TCF12: variants seen among roughly 807,000 people sequenced by gnomAD.
TCF12 encodes the protein DNA-binding protein HTF4.
A neutral mutation model predicts 86.0 loss-of-function variants in TCF12; 45 were observed. That is an observed-to-expected ratio of 0.52 (90% CI 0.41 to 0.67). The LOEUF (loss-of-function observed/expected upper bound fraction) is 0.67, where lower values mean the gene tolerates loss of function less well. Ranked by LOEUF, TCF12 falls within the 30% of genes least tolerant of loss-of-function variation. The probability of loss-of-function intolerance (pLI) is 0.00; values close to 1 mark genes in which losing one functional copy is unlikely to be tolerated. For synonymous variants in TCF12, 330 were observed against 299.6 expected (o/e 1.10, Z -1.05); for missense variants, 881 against 859.9 (o/e 1.02, Z -0.31).
chr15:57,127,783 C>T (rs1039988147), intron 5 of TCF12, among the ~76,000 whole-genome samples: 6 of 152,148 alleles, frequency 3.9e-5, no homozygotes, highest in East Asian at 3.9e-4. Flanking sequence ...TTCACTATTA[C>T]GTCGGTTGAT....
intron 8 of TCF12, among the ~76,000 whole-genome samples, chr15:57,211,979 CCA>C (rs58113866): frequency 0.13 from 10,501 of 83,730 alleles, 424 homozygotes; most frequent in South Asian, 0.27. Context: ...CACACACACA[CCA>C]CACACACACA....
At chr15:57,210,528 G>T (rs1197456139) in intron 8 of TCF12, among the ~76,000 whole-genome samples, 2 of 152,068 alleles carry the variant, frequency 1.3e-5, no homozygotes, top group African/African-American at 4.8e-5. Flanking sequence ...GTGCCCCTTG[G>T]TTAGATAGGA....
At chr15:57,157,243 G>A (rs989879986) in intron 5 of TCF12, among the ~76,000 whole-genome samples, 1 of 150,646 alleles carries the variant, frequency 6.6e-6, no homozygotes, top group African/African-American at 2.4e-5. Flanking sequence ...AAGGTGACTT[G>A]ATTATTTTTA....
At chr15:57,215,672 G>T (rs1309950155) in intron 8 of TCF12, among the ~76,000 whole-genome samples, 2 of 151,984 alleles carry the variant, frequency 1.3e-5, no homozygotes, top group African/African-American at 4.8e-5. Context: ...CCACTAACTG[G>T]CCTATGTTAA....
At chr15:56,941,104 C>CAT (rs71113037) in intron 3 of TCF12, among the ~76,000 whole-genome samples, 151,212 of 151,412 alleles carry the variant, frequency 1, 75,509 homozygotes, top group East Asian at 1. Flanking sequence ...TGGTGGCTCA[C>CAT]ATATAATCCC....
chr15:56,941,972 A>G (rs545049906), intron 3 of TCF12, among the ~76,000 whole-genome samples: 9 of 152,278 alleles, frequency 5.9e-5, no homozygotes, highest in South Asian at 2.1e-4. Context: ...CTGTGTCTCA[A>G]TCCTCATATG....
At chr15:56,953,519 T>C (rs1377260237) in intron 3 of TCF12, among the ~76,000 whole-genome samples, 2 of 152,034 alleles carry the variant, frequency 1.3e-5, no homozygotes, top group Non-Finnish European at 2.9e-5. Flanking sequence ...CTACAACTGT[T>C]TGGTAGAATT....
rs1454117571 is a variant in TCF12 at position 57,263,260 on chromosome 15, T to C, written c.1731T>C (p.Ser577=). ...CCCAAAAAGATATCAAGGTTTCATCTAGAGGCAGAACAAGGTATTTGTTAG... is the reference window on the plus strand; with the variant it reads ...CCCAAAAAGATATCAAGGTTTCATCCAGAGGCAGAACAAGGTATTTGTTAG... ...ESSQKDIKVS[S]RGRTSSTNED... is the part of the protein sequence containing the mutation. The change falls in exon 18 of 21, where the codon TCT becomes TCC. Residue 577 remains serine (S), a synonymous_variant. Transcript: ENST00000333725. 2 of 1,610,338 alleles carry C rather than the reference T, an allele frequency of 1.2e-6. No individual in the cohort carries two copies. The highest frequency in any genetic ancestry group is 1.7e-6 in the Non-Finnish European group (2 of 1,179,236).
intron 3 of TCF12, among the ~76,000 whole-genome samples, chr15:56,937,475 C>T (rs1009096438): frequency 6.6e-6 from 1 of 151,538 alleles, no homozygotes; most frequent in African/African-American, 2.4e-5. Flanking sequence ...TCAGGGTTTT[C>T]TAAGTGTACG....
At chr15:57,143,950 A>G (rs564574459) in intron 5 of TCF12, among the ~76,000 whole-genome samples, 1 of 152,106 alleles carries the variant, frequency 6.6e-6, no homozygotes, top group Non-Finnish European at 1.5e-5. Context: ...TTTTTTTGAC[A>G]ATTGAGTTCT....
intron 16 of TCF12, among the ~76,000 whole-genome samples, chr15:57,255,714 C>A (rs556442825): frequency 6.6e-6 from 1 of 152,190 alleles, no homozygotes; most frequent in South Asian, 2.1e-4. Context: ...AAACTCCTGA[C>A]CTTGTGATCC....
intron 3 of TCF12, among the ~76,000 whole-genome samples, chr15:57,029,447 A>G (rs2066016026): frequency 6.6e-6 from 1 of 152,168 alleles, no homozygotes; most frequent in Non-Finnish European, 1.5e-5. Flanking sequence ...CATTTTAGAA[A>G]GGCTTGCTAG....
intron 3 of TCF12, among the ~76,000 whole-genome samples, chr15:56,942,645 GTGTA>G (rs1198854215): frequency 2.2e-3 from 1 of 448 alleles, no homozygotes; most frequent in African/African-American, 3.0e-3. Flanking sequence ...AGTATCGTAT[GTGTA>G]ACAGAACTAT....
chr15:57,177,919 C>G (rs1427771774), intron 6 of TCF12, among the ~76,000 whole-genome samples: 1 of 152,020 alleles, frequency 6.6e-6, no homozygotes, highest in African/African-American at 2.4e-5. Context: ...CCATGTTGCC[C>G]AGGCTGCATT....
chr15:57,079,046 GTA>G (rs1369568449), intron 4 of TCF12, among the ~76,000 whole-genome samples: 3 of 152,240 alleles, frequency 2.0e-5, no homozygotes, highest in African/African-American at 7.2e-5. Context: ...ATTTTCGTAA[GTA>G]TGTGAAAAGT....
intron 2 of TCF12, 61 bp downstream of exon 2, chr15:56,920,049 T>A (rs553332414): frequency 1.3e-6 from 2 of 1,599,370 alleles, no homozygotes; most frequent in East Asian, 4.5e-5. Flanking sequence ...TTTGTTTGTT[T>A]GTTTCTTTTA....
chr15:56,926,515 A>C (rs1443044931), intron 3 of TCF12, among the ~76,000 whole-genome samples: 5 of 152,154 alleles, frequency 3.3e-5, no homozygotes, highest in African/African-American at 7.2e-5. Context: ...CTTGTGATGG[A>C]GATATGGACA....
intron 16 of TCF12, among the ~76,000 whole-genome samples, chr15:57,259,214 G>C: frequency 6.6e-6 from 1 of 152,016 alleles, no homozygotes; most frequent in Non-Finnish European, 1.5e-5. Context: ...TACATTTATG[G>C]AAATATGTAA....
intron 13 of TCF12, among the ~76,000 whole-genome samples, chr15:57,249,934 G>A (rs576321935): frequency 2.6e-5 from 4 of 151,948 alleles, no homozygotes; most frequent in East Asian, 1.9e-4. Context: ...AGGTATTTTC[G>A]CAAGACCATT....
Sources: gnomAD v4.1 joint callset for allele counts (sites outside exome capture counted in the v4.1 genomes callset) on GRCh38, gnomAD v4.1.1 for gene constraint, MANE v1.5 for transcripts, NCBI Gene and HGNC (gene_info 2026-07-23, HGNC 2026-07-21) for gene names.